PTPRM: variants seen among roughly 807,000 people sequenced by gnomAD.
The protein encoded by PTPRM is receptor-type tyrosine-protein phosphatase mu.
Under a neutral mutation model 186.7 loss-of-function variants are expected in PTPRM, and 47 were observed. That is an observed-to-expected ratio of 0.25 (90% confidence interval 0.20 to 0.32). The LOEUF is 0.32. PTPRM is among the 10% of genes least tolerant of loss of function. The probability of loss-of-function intolerance (pLI) is 1.00; values close to 1 mark genes in which losing one functional copy is unlikely to be tolerated. For synonymous variants in PTPRM, 668 were observed against 674.9 expected, an observed-to-expected ratio of 0.99 and a Z score of 0.16; for missense variants, 1,494 against 1,865.0, an observed-to-expected ratio of 0.80 and a Z score of 3.66.
At chr18:8,042,033 T>C (rs2086725746) in intron 7 of PTPRM, among the ~76,000 whole-genome samples, 1 of 152,228 alleles carries the variant, frequency 6.6e-6, no homozygotes. Flanking sequence ...GCTAGGTATG[T>C]CATCTTAAAC....
At chr18:7,622,169 AG>A (rs1344035147) in intron 1 of PTPRM, among the ~76,000 whole-genome samples, 4 of 152,250 alleles carry the variant, frequency 2.6e-5, no homozygotes, top group Non-Finnish European at 4.4e-5. Context: ...TAGATGTGTG[AG>A]AAGAATATTC....
intron 2 of PTPRM, among the ~76,000 whole-genome samples, chr18:7,800,418 C>T (rs1253482719): frequency 6.6e-6 from 1 of 152,140 alleles, no homozygotes; most frequent in East Asian, 1.9e-4. Flanking sequence ...TCTTACTACT[C>T]TAAAGGGAGT....
intron 14 of PTPRM, among the ~76,000 whole-genome samples, chr18:8,144,676 A>G (rs2092839946): frequency 1.3e-5 from 2 of 152,214 alleles, no homozygotes; most frequent in African/African-American, 2.4e-5. Flanking sequence ...AGATATGGCC[A>G]TAATAAGTGA....
At chr18:7,576,941 C>T (rs527540926) in intron 1 of PTPRM, among the ~76,000 whole-genome samples, 4 of 152,268 alleles carry the variant, frequency 2.6e-5, no homozygotes, top group Non-Finnish European at 4.4e-5. Context: ...TTTTAACATA[C>T]TCATAATGTG....
At chr18:8,012,613 C>T (rs1234663065) in intron 7 of PTPRM, among the ~76,000 whole-genome samples, 1 of 152,120 alleles carries the variant, frequency 6.6e-6, no homozygotes, top group Non-Finnish European at 1.5e-5. Context: ...GTACTGAGTA[C>T]TGAAGGCATT....
intron 1 of PTPRM, among the ~76,000 whole-genome samples, chr18:7,723,744 G>A (rs1017845342): frequency 3.9e-5 from 6 of 152,158 alleles, no homozygotes; most frequent in South Asian, 2.1e-4. Context: ...CACTTCCAGC[G>A]TTTCCCTTCG....
chr18:8,380,693 A>G (rs1338638595), intron 29 of PTPRM, among the ~76,000 whole-genome samples: 1 of 152,196 alleles, frequency 6.6e-6, no homozygotes, highest in African/African-American at 2.4e-5. Flanking sequence ...AGCTGTTCCT[A>G]AAAGATGGAA....
At chr18:8,267,501 A>G (rs2094716023) in intron 19 of PTPRM, among the ~76,000 whole-genome samples, 1 of 152,202 alleles carries the variant, frequency 6.6e-6, no homozygotes, top group Admixed American at 6.5e-5. Flanking sequence ...TAATATTTTA[A>G]GGCATTACAA....
chr18:8,039,304 T>A (rs1377377648), intron 7 of PTPRM, among the ~76,000 whole-genome samples: 1 of 152,148 alleles, frequency 6.6e-6, no homozygotes, highest in African/African-American at 2.4e-5. Flanking sequence ...TTGTTCAGAT[T>A]TGTTTTTTAA....
At chr18:7,902,283 G>T (rs2049734467) in intron 3 of PTPRM, among the ~76,000 whole-genome samples, 1 of 152,206 alleles carries the variant, frequency 6.6e-6, no homozygotes, top group Non-Finnish European at 1.5e-5. Context: ...AAATAAAATT[G>T]CAGATAGAAG....
At chr18:7,577,430 G>T (rs1189450645) in intron 1 of PTPRM, among the ~76,000 whole-genome samples, 1 of 151,982 alleles carries the variant, frequency 6.6e-6, no homozygotes, top group East Asian at 1.9e-4. Context: ...AGGAACCATG[G>T]TATCACCAGA....
chr18:7,989,113 A>G (rs750162753), intron 7 of PTPRM, among the ~76,000 whole-genome samples: 39 of 152,074 alleles, frequency 2.6e-4, no homozygotes, highest in Non-Finnish European at 4.9e-4. Context: ...TTCACTCTAT[A>G]TTTGTTTTTG....
intron 1 of PTPRM, among the ~76,000 whole-genome samples, chr18:7,586,901 TA>T (rs1021891956): frequency 4.6e-5 from 7 of 152,038 alleles, no homozygotes; most frequent in African/African-American, 1.7e-4. Flanking sequence ...ATTGTCCATT[TA>T]AAAATATATG....
chr18:7,834,381 A>G (rs1461204132), intron 2 of PTPRM, among the ~76,000 whole-genome samples: 1 of 148,242 alleles, frequency 6.7e-6, no homozygotes. Flanking sequence ...ATTGGCCTGT[A>G]TTTTATATAT....
intron 13 of PTPRM, among the ~76,000 whole-genome samples, chr18:8,120,951 C>G (rs1290140604): frequency 1.3e-5 from 2 of 152,072 alleles, no homozygotes; most frequent in East Asian, 3.9e-4. Context: ...GGAATTGGTA[C>G]CAACTTTGTA....
At chr18:7,630,981 C>A (rs748298009) in intron 1 of PTPRM, among the ~76,000 whole-genome samples, 3 of 152,224 alleles carry the variant, frequency 2.0e-5, no homozygotes, top group Non-Finnish European at 4.4e-5. Flanking sequence ...AGAGCCTGTG[C>A]CCAGGATCTG....
intron 7 of PTPRM, among the ~76,000 whole-genome samples, chr18:7,957,205 CT>C (rs1487000226): frequency 6.9e-6 from 1 of 144,806 alleles, no homozygotes; most frequent in Non-Finnish European, 1.5e-5. Context: ...TTTGCCTTTT[CT>C]TTTGGTTTTG....
rs2092619578 is a variant in PTPRM at position 8,135,597 on chromosome 18, A to G, written c.2168-8050A>G. Among the ~76,000 whole-genome samples the G allele has an allele frequency of 3.3e-5, 5 of 152,206 alleles. No homozygotes were observed. The South Asian group carries it at 1.0e-3, about 31-fold the overall frequency. The stretch of plus-strand genomic sequence containing the variant: ...ATAATTGGAGACCCTCTGTTTTAGA[A>G]TATATTAAACACAACGCCACAATAA... On this transcript the variant is annotated intron_variant, in intron 13 of 32. Coordinates refer to ENST00000580170, the MANE Select transcript of PTPRM (RefSeq NM_001105244.2).
chr18:8,210,534 G>A (rs1172485288), intron 14 of PTPRM, among the ~76,000 whole-genome samples: 2 of 152,138 alleles, frequency 1.3e-5, no homozygotes, highest in Non-Finnish European at 2.9e-5. Context: ...GGGTTTCTGG[G>A]CTCTAGAACT....
Sources: allele counts gnomAD v4.1 joint callset (sites outside exome capture counted in the v4.1 genomes callset), GRCh38; gene constraint gnomAD v4.1.1; transcripts MANE v1.5; gene names NCBI Gene and HGNC (gene_info 2026-07-23, HGNC 2026-07-21).